The following BRDT variants were observed in gnomAD, a reference collection of about 807,000 sequenced individuals.
The protein encoded by BRDT is bromodomain testis-specific protein.
Under a neutral mutation model 113.9 loss-of-function variants are expected in BRDT, and 77 were observed. The ratio of observed to expected loss-of-function variants is 0.68; its 90% confidence interval spans 0.56 to 0.82. The LOEUF is 0.82. Ranked by LOEUF, BRDT falls within the 40% of genes least tolerant of loss-of-function variation. BRDT has a pLI of 0.00. For synonymous variants in BRDT, 358 were observed against 366.5 expected, an observed-to-expected ratio of 0.98 and a Z score of 0.26; for missense variants, 1,027 against 1,105.4, an observed-to-expected ratio of 0.93 and a Z score of 1.01.
At chr1:91,970,848 G>T (rs1202281983) in intron 4 of BRDT, among the ~76,000 whole-genome samples, 1 of 149,982 alleles carries the variant, frequency 6.7e-6, no homozygotes, top group Non-Finnish European at 1.5e-5. Context: ...GGTTGAAGGT[G>T]CAGTGAGCCA....
At chr1:91,992,405 A>C in intron 14 of BRDT, 91 bp downstream of exon 14, 3 of 490,536 alleles carry the variant, frequency 6.1e-6, no homozygotes, top group Non-Finnish European at 9.6e-6. Context: ...AATAGCATGA[A>C]GAGAGGCAAA....
chr1:91,986,941 T>C (rs199638229), intron 12 of BRDT, among the ~76,000 whole-genome samples: 1,683 of 20,912 alleles, frequency 0.08, 24 homozygotes, highest in South Asian at 0.14. Context: ...TTTTATAAAT[T>C]CTTTTTTTTT....
chr1:91,964,593 C>T, intron 2 of BRDT, 34 bp from the exon 3 acceptor site: 2 of 1,282,048 alleles, frequency 1.6e-6, no homozygotes, highest in Non-Finnish European at 2.1e-6. Context: ...TGTATTCATT[C>T]TTACTAACAT....
intron 18 of BRDT, among the ~76,000 whole-genome samples, chr1:92,007,243 C>G (rs1180266934): frequency 6.6e-6 from 1 of 150,756 alleles, no homozygotes; most frequent in East Asian, 1.9e-4. Context: ...TTGTTGTTAA[C>G]TTTTGTTTTA....
rs1303232907 is a variant in BRDT at position 91,962,748 on chromosome 1, G to A, written c.-7G>A. 7 of 1,578,320 alleles carry A rather than the reference G, an allele frequency of 4.4e-6. No homozygotes were observed. Among genetic ancestry groups the A allele is most frequent in the Middle Eastern group, 3.4e-4 (2 of 5,886 alleles). ...GTACTTGTAGACAGGATTCAAAGCA[G>A]TTAAGAATGTCTCTGCCAAGTCGAC... On this transcript the variant is annotated 5_prime_UTR_variant, in exon 2 of 19. Coordinates refer to ENST00000399546, the MANE Select transcript of BRDT (RefSeq NM_207189.4).
chr1:91,964,900 TGTGTA>T, intron 3 of BRDT, 136 bp downstream of exon 3: 1 of 476,710 alleles, frequency 2.1e-6, no homozygotes, highest in Non-Finnish European at 3.2e-6. Context: ...TGTGTGTGTG[TGTGTA>T]TATAATTTTT....
At chr1:92,001,433 T>C (rs1446560713) in intron 15 of BRDT, among the ~76,000 whole-genome samples, 1 of 152,158 alleles carries the variant, frequency 6.6e-6, no homozygotes, top group Non-Finnish European at 1.5e-5. Context: ...CAATGGCTCA[T>C]GCCTGTAATC....
intron 15 of BRDT, among the ~76,000 whole-genome samples, chr1:91,996,525 G>A (rs1273581083): frequency 1.3e-5 from 2 of 152,226 alleles, no homozygotes; most frequent in Non-Finnish European, 2.9e-5. Flanking sequence ...GGGATTACAG[G>A]CGTGAGCCAC....
intron 18 of BRDT, among the ~76,000 whole-genome samples, chr1:92,011,177 T>A (rs1687767316): frequency 6.6e-6 from 1 of 152,192 alleles, no homozygotes; most frequent in African/African-American, 2.4e-5. Flanking sequence ...AATACTAAGG[T>A]AGAAACAAAT....
In BRDT at chr1:91,981,143, C is replaced by A; in HGVS notation, c.1715C>A (p.Ser572Ter). ...CTAAGAGAATTAGAAAAATATGTTT[C>A]GGCATGTCTAAGAAAGAGACCATTA... ...STLRELEKYV[S>*]ACLRKRPLKP... Residue 572 changes from serine to a stop codon, truncating the protein, a stop_gained, in exon 10 of 19, where the codon TCG (serine) becomes TAG (stop). Transcript: ENST00000399546. LOFTEE classifies it high-confidence loss of function. The A allele has an allele frequency of 7.4e-6, 12 of 1,612,560 alleles. No homozygotes were observed. The highest frequency in any genetic ancestry group is 1.0e-5 in the Non-Finnish European group (12 of 1,179,668).
rs375641866 is a variant in BRDT, at chr1:91,964,701, G to A, written c.267G>A (p.Ala89=). The change falls in exon 3 of 19, where the codon GCG becomes GCA. Residue 89 remains alanine, a synonymous_variant. Coordinates refer to ENST00000399546, the MANE Select transcript of BRDT (RefSeq NM_207189.4). ...IKKRLENKYY[A]KASECIEDFN... ...AGCGCTTGGAGAATAAATATTATGC[G>A]AAGGCTTCAGAATGTATAGAAGACT... is the stretch of plus-strand genomic sequence containing the variant. 9.2e-6 allele frequency: 14 copies of A among 1,525,836 alleles called. No homozygotes were observed. The highest frequency in any genetic ancestry group is 2.7e-5 in the African/African-American group (2 of 73,188). 94.5% of individuals were successfully genotyped at this position (1,525,836 alleles called of 1,614,324 possible).
chr1:91,995,417 G>C (rs879393826), intron 15 of BRDT, among the ~76,000 whole-genome samples: 2,465 of 14,274 alleles, frequency 0.17, 46 homozygotes, highest in Non-Finnish European at 0.43. Context: ...GTGTGTGTGT[G>C]TGTGTGTGTG....
chr1:91,969,711 T>G (rs1683422803), intron 4 of BRDT, among the ~76,000 whole-genome samples: 2 of 152,156 alleles, frequency 1.3e-5, no homozygotes, highest in South Asian at 2.1e-4. Context: ...ATCTTTTTAT[T>G]GATCTTTTAT....
intron 12 of BRDT, among the ~76,000 whole-genome samples, chr1:91,987,587 C>T (rs1489162591): frequency 6.6e-6 from 1 of 152,172 alleles, no homozygotes; most frequent in Admixed American, 6.5e-5. Flanking sequence ...CTGCCCACCT[C>T]AGCCTGCCTC....
At chr1:92,010,163 ATTAT>A (rs1488559886) in intron 18 of BRDT, among the ~76,000 whole-genome samples, 2 of 151,328 alleles carry the variant, frequency 1.3e-5, no homozygotes, top group African/African-American at 4.9e-5. Context: ...AATTTTGGCC[ATTAT>A]TTATTCAAAT....
intron 1 of BRDT, among the ~76,000 whole-genome samples, chr1:91,960,611 T>G (rs962525057): frequency 6.6e-6 from 1 of 152,182 alleles, no homozygotes; most frequent in Non-Finnish European, 1.5e-5. Flanking sequence ...GTTCTAGAGA[T>G]TGGTTTCACA....
chr1:91,980,856 G>A (rs368116107), intron 9 of BRDT, 33 bp from the exon 10 acceptor site: 28 of 1,592,390 alleles, frequency 1.8e-5, no homozygotes, highest in African/African-American at 8.2e-5. Context: ...AGACAATAAC[G>A]ATAAGTTGGA....
At chr1:91,965,787 C>T (rs1682997851) in intron 3 of BRDT, among the ~76,000 whole-genome samples, 1 of 151,762 alleles carries the variant, frequency 6.6e-6, no homozygotes, top group African/African-American at 2.4e-5. Context: ...GTGGAGGTTG[C>T]AGTGAGCCTA....
intron 18 of BRDT, among the ~76,000 whole-genome samples, chr1:92,013,021 G>A (rs34559022): frequency 0.014 from 2,070 of 151,494 alleles, 43 homozygotes; most frequent in African/African-American, 0.048. Flanking sequence ...GGAGTTCGAC[G>A]CCAGCCTGGC....
Sources: allele counts gnomAD v4.1 joint callset (sites outside exome capture counted in the v4.1 genomes callset), GRCh38; gene constraint gnomAD v4.1.1; transcripts MANE v1.5; gene names NCBI Gene and HGNC (gene_info 2026-07-23, HGNC 2026-07-21).